The following BAZ1A variants were observed in gnomAD, a reference collection of about 807,000 sequenced individuals.
BAZ1A encodes the protein bromodomain adjacent to zinc finger domain protein 1A.
A neutral mutation model predicts 185.2 loss-of-function variants in BAZ1A; 50 were observed. The ratio of observed to expected loss-of-function variants is 0.27; its 90% CI spans 0.22 to 0.34. The LOEUF is 0.34. BAZ1A is among the 10% of genes least tolerant of loss of function. The probability of loss-of-function intolerance (pLI) is 1.00; values close to 1 mark genes in which losing one functional copy is unlikely to be tolerated. For synonymous variants in BAZ1A, 571 were observed against 615.6 expected (o/e 0.93, Z 1.07); for missense variants, 1,356 against 1,839.9 (o/e 0.74, Z 4.81).
At chr14:34,860,283 G>T (rs549571466) in intron 3 of BAZ1A, among the ~76,000 whole-genome samples, 7 of 151,852 alleles carry the variant, frequency 4.6e-5, no homozygotes, top group Non-Finnish European at 1.0e-4. Context: ...CAAGGCAGGT[G>T]GATTACTTGA....
At chr14:34,786,054 A>G in intron 13 of BAZ1A, 53 bp from the exon 14 acceptor site, 4 of 1,583,912 alleles carry the variant, frequency 2.5e-6, no homozygotes, top group Non-Finnish European at 3.4e-6. Flanking sequence ...ATAAATACTC[A>G]GCAATGTAAA....
chr14:34,792,889 T>C lies in BAZ1A; in HGVS notation c.1396A>G (p.Ser466Gly), dbSNP rs1594845964. ...AGCAATTCACACAGTGGGCCTTCAC[T>C]GTCATTTCCTACAAGAGCTTCCTCT... is the stretch of plus-strand genomic sequence containing the variant. ...VLEEALVGNDSEGPLCELLFF... is the reference protein window; with the variant it reads ...VLEEALVGNDGEGPLCELLFF... The change falls in exon 12 of 27, where the codon AGT (serine) becomes GGT (glycine). Residue 466 changes from serine (S) to glycine (G), a missense_variant. By Grantham distance (56) the Ser-to-Gly change is moderately conservative. Coordinates refer to ENST00000360310, the MANE Select transcript of BAZ1A (RefSeq NM_013448.3). The C allele has an allele frequency of 6.2e-7, 1 of 1,612,574 alleles. No homozygotes were observed. Among genetic ancestry groups the C allele is most frequent in the Non-Finnish European group, 8.5e-7 (1 of 1,179,696 alleles).
At chr14:34,831,921 G>A (rs759243212) in intron 3 of BAZ1A, among the ~76,000 whole-genome samples, 10 of 152,054 alleles carry the variant, frequency 6.6e-5, no homozygotes, top group Non-Finnish European at 1.3e-4. Flanking sequence ...TACTGGCTGG[G>A]TGCGACAGAT....
At chr14:34,805,907 C>T (rs1264781111) in intron 6 of BAZ1A, among the ~76,000 whole-genome samples, 1 of 149,642 alleles carries the variant, frequency 6.7e-6, no homozygotes, top group African/African-American at 2.5e-5. Flanking sequence ...TTCCCTTAGA[C>T]GGAGTCTCCT....
chr14:34,764,777 C>T lies in BAZ1A; in HGVS notation c.3706G>A (p.Gly1236Ser). 1 of 1,610,630 alleles carries T rather than the reference C, an allele frequency of 6.2e-7. No individual in the cohort carries two copies. Among genetic ancestry groups the T allele is most frequent in the Non-Finnish European group, 8.5e-7 (1 of 1,176,930 alleles). The change falls in exon 23 of 27, where the codon GGT (glycine) becomes AGT (serine). Residue 1236 changes from glycine (G) to serine (S), a missense_variant. Physicochemically the swap from Gly to Ser is moderately conservative, Grantham distance 56 (BLOSUM62 0). This residue lies in a region of BAZ1A where 309 missense variants were observed against 355.3 expected (regional missense o/e 0.87). Transcript: ENST00000360310. ...DDEVDGDEEE[G>S]QSEEEEYEVE... is the part of the protein sequence containing the mutation. ...TCATACTCTTCCTCCTCACTTTGAC[C>T]TTCTTCTTCATCGCCATCAACTTCA... is the stretch of plus-strand genomic sequence containing the variant.
At chr14:34,784,207 A>G (rs1039325010) in intron 14 of BAZ1A, among the ~76,000 whole-genome samples, 4 of 151,474 alleles carry the variant, frequency 2.6e-5, no homozygotes, top group African/African-American at 9.7e-5. Context: ...CAACTCTACT[A>G]AAAATACAAA....
intron 8 of BAZ1A, among the ~76,000 whole-genome samples, chr14:34,800,613 G>A (rs1421182035): frequency 6.6e-6 from 1 of 152,156 alleles, no homozygotes; most frequent in African/African-American, 2.4e-5. Flanking sequence ...CTGTGCCTTT[G>A]AAAGCCCTAA....
intron 2 of BAZ1A, among the ~76,000 whole-genome samples, chr14:34,863,152 C>CT (rs71121233): frequency 0.024 from 1,094 of 44,654 alleles, 236 homozygotes; most frequent in Middle Eastern, 0.052. Context: ...CCACGCTCGG[C>CT]TTTTTTTTTT....
At position 34,874,849 on chromosome 14, in the gene BAZ1A, GC is replaced by G. The variant is rs2043017771; in HGVS notation, c.-58-188del. 1.7e-5 allele frequency: 7 copies of G among 411,294 alleles called. No individual in the cohort carries two copies. In the East Asian group the frequency reaches 3.2e-4, roughly 19 times the overall value. The allele number at this position is 411,294 out of a possible 1,614,324, so 25.5% of individuals were successfully genotyped here. ...AGCGAGCGGAGCCGCCGCCGCCCCT[GC>G]CCCCCGAGCGCGCCCTACCTCCTCT... On this transcript the variant is annotated intron_variant, in intron 1 of 26. Transcript: ENST00000360310. The surrounding 1 kb of genome is among the most constrained non-coding windows in gnomAD (Gnocchi z 4.7).
At chr14:34,871,348 G>A (rs1451094617) in intron 2 of BAZ1A, among the ~76,000 whole-genome samples, 6 of 152,278 alleles carry the variant, frequency 3.9e-5, no homozygotes, top group East Asian at 1.9e-4. Context: ...ATGAGCCACC[G>A]CATGCAGCCA....
chr14:34,777,644 C>A (rs373761858), intron 17 of BAZ1A, among the ~76,000 whole-genome samples: 403 of 125,574 alleles, frequency 3.2e-3, no homozygotes, highest in Admixed American at 3.5e-3. Flanking sequence ...ACTCTGTCTC[C>A]AAAAAAAAAA....
intron 2 of BAZ1A, among the ~76,000 whole-genome samples, chr14:34,869,947 C>T (rs1416866106): frequency 1.3e-5 from 2 of 152,224 alleles, no homozygotes; most frequent in Non-Finnish European, 2.9e-5. Context: ...ACCATCCCAG[C>T]TGAGTTCCCA....
In BAZ1A at chr14:34,875,145, C is replaced by A; in HGVS notation, c.-66G>T. ...CTCCCGAGCGACCCTCACCTGCGAT[C>A]ACGCCGACTGCCACTTGTCCACCTT... On this transcript the variant is annotated 5_prime_UTR_variant, in exon 1 of 27. Coordinates refer to ENST00000360310, the MANE Select transcript of BAZ1A (RefSeq NM_013448.3). 2.5e-6 allele frequency: 1 copy of A among 404,586 alleles called. No homozygotes were observed. The highest frequency in any genetic ancestry group is 5.0e-6 in the Non-Finnish European group (1 of 199,604). The allele number at this position is 404,586 out of a possible 1,614,324, so 25.1% of individuals were successfully genotyped here.
intron 7 of BAZ1A, among the ~76,000 whole-genome samples, chr14:34,801,394 T>C (rs553348700): frequency 3.1e-4 from 47 of 152,228 alleles, no homozygotes; most frequent in African/African-American, 1.1e-3. Context: ...TGGGCTCAAG[T>C]GATTCTTCTC....
intron 8 of BAZ1A, 54 bp from the exon 9 acceptor site, chr14:34,800,444 C>A: frequency 1.5e-6 from 2 of 1,346,150 alleles, no homozygotes; most frequent in South Asian, 3.0e-5. Flanking sequence ...TAACACTTGG[C>A]AATTTTTTTG....
rs1380155796 is a variant in BAZ1A at position 34,783,123 on chromosome 14, T to C, written c.2107A>G (p.Ile703Val). ...ACAGTGTGATTCAAACCATACCCAA[T>C]AGATATATCTGCCGTTGAATTTCTT... ...EQRNSTADIS[I>V]GEEEREDFDT... The change falls in exon 16 of 27, where the codon ATT becomes GTT. Residue 703 changes from isoleucine (I) to valine (V), a missense_variant. Coordinates refer to ENST00000360310, the MANE Select transcript of BAZ1A (RefSeq NM_013448.3). The C allele has an allele frequency of 6.3e-6, 10 of 1,591,384 alleles. No individual in the cohort carries two copies. The highest frequency in any genetic ancestry group is 3.3e-4 in the Middle Eastern group (2 of 6,020).
chr14:34,802,400 C>T (rs1250281458), intron 7 of BAZ1A, among the ~76,000 whole-genome samples: 1 of 152,042 alleles, frequency 6.6e-6, no homozygotes, highest in Non-Finnish European at 1.5e-5. Context: ...GCCATGTTGT[C>T]CAGGCTAGTC....
chr14:34,816,355 G>A (rs2042007075), intron 4 of BAZ1A, among the ~76,000 whole-genome samples: 1 of 152,022 alleles, frequency 6.6e-6, no homozygotes. Flanking sequence ...CCAAAGTGCT[G>A]AGATTTATAG....
intron 2 of BAZ1A, among the ~76,000 whole-genome samples, chr14:34,864,233 T>A (rs1198553327): frequency 6.6e-6 from 1 of 151,964 alleles, no homozygotes; most frequent in Non-Finnish European, 1.5e-5. Flanking sequence ...AAATTCTGCC[T>A]CCCTGGTTCC....
Sources: allele counts gnomAD v4.1 joint callset (sites outside exome capture counted in the v4.1 genomes callset), GRCh38; gene constraint gnomAD v4.1.1; regional missense constraint gnomAD v4.1.1; non-coding constraint Gnocchi (gnomAD v3.1); transcripts MANE v1.5; gene names NCBI Gene and HGNC (gene_info 2026-07-23, HGNC 2026-07-21).